The following RGL1 variants were observed in gnomAD, a reference collection of about 807,000 sequenced individuals.
The protein encoded by RGL1 is ral guanine nucleotide dissociation stimulator-like 1.
In RGL1, 24 loss-of-function variants were observed where a neutral mutation model predicts 95.2. That is an observed-to-expected ratio of 0.25 (90% confidence interval 0.18 to 0.35). RGL1 has a LOEUF of 0.35. Ranked by LOEUF, RGL1 falls within the 10% of genes least tolerant of loss-of-function variation. The pLI, the probability that RGL1 is intolerant of heterozygous loss-of-function variation, is 1.00. For missense variants in RGL1, 715 were observed against 936.3 expected (o/e 0.76, Z 3.08); for synonymous variants, 329 against 344.9 (o/e 0.95, Z 0.51).
intron 2 of RGL1, among the ~76,000 whole-genome samples, chr1:183,807,124 G>A (rs1024664948): frequency 6.6e-6 from 1 of 152,160 alleles, no homozygotes; most frequent in Non-Finnish European, 1.5e-5. Context: ...GGTCATGCAA[G>A]TTTGTAGGTA....
At chr1:183,875,871 C>CAA (rs375478958) in intron 4 of RGL1, among the ~76,000 whole-genome samples, 21,431 of 99,030 alleles carry the variant, frequency 0.22, 2,500 homozygotes, top group Non-Finnish European at 0.27. Flanking sequence ...AGCTCTGTCT[C>CAA]AAAAAAAAAA....
chr1:183,775,850 G>A (rs900025886), intron 2 of RGL1, among the ~76,000 whole-genome samples: 1 of 152,182 alleles, frequency 6.6e-6, no homozygotes, highest in Non-Finnish European at 1.5e-5. Flanking sequence ...GAATAGACTG[G>A]AAGTAATATG....
chr1:183,837,752 G>A (rs554082585), intron 2 of RGL1, among the ~76,000 whole-genome samples: 2 of 152,308 alleles, frequency 1.3e-5, no homozygotes, highest in East Asian at 3.9e-4. Flanking sequence ...GACTGGTTTT[G>A]TGGAAGACAG....
intron 1 of RGL1, among the ~76,000 whole-genome samples, chr1:183,719,615 A>G (rs1655866242): frequency 6.6e-6 from 1 of 152,186 alleles, no homozygotes; most frequent in Non-Finnish European, 1.5e-5. Flanking sequence ...AAAATAGAAA[A>G]AAATTAAAGG....
rs150367802 is a variant in RGL1 at position 183,849,482 on chromosome 1, A to AATTTTTTTTTTTT, written c.347+1708_347+1709insATTTTTTTTTTTT. Among the ~76,000 whole-genome samples, 43 of 99,402 alleles carry AATTTTTTTTTTTT rather than the reference A, an allele frequency of 4.3e-4. 1 individual carries two copies. The highest frequency in any genetic ancestry group is 1.2e-3 in the East Asian group (4 of 3,224). 65.2% of individuals were successfully genotyped at this position (99,402 alleles called of 152,430 possible). A position where few individuals can be genotyped will look rare whatever the true frequency, so the allele number is the denominator to read the frequency against. On this transcript the variant is annotated intron_variant, in intron 3 of 17. Transcript: ENST00000360851. ...GACATTTAAGTTTTCTCCAGTTTTT[A>AATTTTTTTTTTTT]GTTTTTTTTTTTTTTTTTTTTTTTG...
intron 3 of RGL1, among the ~76,000 whole-genome samples, chr1:183,863,059 G>A (rs750043726): frequency 6.6e-6 from 1 of 152,204 alleles, no homozygotes; most frequent in Non-Finnish European, 1.5e-5. Flanking sequence ...GAGAGAGTGA[G>A]CCCTTGGCAC....
At chr1:183,793,502 A>G (rs1480630139) in intron 2 of RGL1, among the ~76,000 whole-genome samples, 1 of 152,186 alleles carries the variant, frequency 6.6e-6, no homozygotes, top group East Asian at 1.9e-4. Flanking sequence ...AATATGAGAA[A>G]GTATTTGCAA....
intron 2 of RGL1, among the ~76,000 whole-genome samples, chr1:183,770,280 C>T (rs188275678): frequency 3.7e-4 from 57 of 152,246 alleles, no homozygotes; most frequent in African/African-American, 1.2e-3. Context: ...GGCTGTTCTT[C>T]CTAGGTGATC....
At chr1:183,752,647 C>G (rs1272430388) in intron 2 of RGL1, among the ~76,000 whole-genome samples, 6 of 137,386 alleles carry the variant, frequency 4.4e-5, no homozygotes, top group Non-Finnish European at 9.1e-5. Context: ...TTCTGAGGGT[C>G]TAACAGTAAC....
chr1:183,652,159 TCCCATAATTA>T (rs1401624786), intron 1 of RGL1, among the ~76,000 whole-genome samples: 1 of 152,206 alleles, frequency 6.6e-6, no homozygotes, highest in Non-Finnish European at 1.5e-5. Context: ...TATATAATGG[TCCCATAATTA>T]CCCTTTTGGG....
At chr1:183,716,602 A>G (rs2102191620) in intron 1 of RGL1, among the ~76,000 whole-genome samples, 1 of 152,332 alleles carries the variant, frequency 6.6e-6, no homozygotes, top group African/African-American at 2.4e-5. Context: ...ACTCAGTCAC[A>G]TGGCTGCACC....
chr1:183,709,553 TG>T (rs1277313388), intron 1 of RGL1: 4 of 154,626 alleles, frequency 2.6e-5, no homozygotes, highest in Non-Finnish European at 5.8e-5. Flanking sequence ...ATCATATCTT[TG>T]TAATTGCTTC....
At chr1:183,922,362 G>A in intron 17 of RGL1, 26 bp downstream of exon 17, 1 of 1,564,516 alleles carries the variant, frequency 6.4e-7, no homozygotes, top group Non-Finnish European at 8.8e-7. Context: ...AGACAGGCAT[G>A]TTCCTTCCCA....
chr1:183,858,626 A>T (rs1298516038), intron 3 of RGL1, among the ~76,000 whole-genome samples: 2 of 152,194 alleles, frequency 1.3e-5, no homozygotes, highest in Non-Finnish European at 2.9e-5. Flanking sequence ...AAAGGGGAAG[A>T]TACTGGTGGT....
chr1:183,828,440 G>C (rs927549945), intron 2 of RGL1, among the ~76,000 whole-genome samples: 2 of 152,178 alleles, frequency 1.3e-5, no homozygotes, highest in African/African-American at 4.8e-5. Context: ...TGGAGTGGGG[G>C]TAGAGGGCAG....
chr1:183,712,453 T>A (rs1655340029), intron 1 of RGL1, among the ~76,000 whole-genome samples: 2 of 152,188 alleles, frequency 1.3e-5, no homozygotes, highest in Non-Finnish European at 2.9e-5. Flanking sequence ...TCGTGTGTGC[T>A]TGAGTGAATG....
At chr1:183,875,080 C>A (rs1666412221) in intron 4 of RGL1, among the ~76,000 whole-genome samples, 1 of 152,192 alleles carries the variant, frequency 6.6e-6, no homozygotes, top group African/African-American at 2.4e-5. Flanking sequence ...AGATCCAGTT[C>A]TCAGAGAATG....
At chr1:183,904,498 C>A (rs886230727) in intron 12 of RGL1, among the ~76,000 whole-genome samples, 1 of 151,962 alleles carries the variant, frequency 6.6e-6, no homozygotes, top group Non-Finnish European at 1.5e-5. Flanking sequence ...CCTTAAAAAT[C>A]ATTTTTCTAT....
At chr1:183,846,932 T>C (rs1664484330) in intron 2 of RGL1, among the ~76,000 whole-genome samples, 1 of 152,138 alleles carries the variant, frequency 6.6e-6, no homozygotes, top group South Asian at 2.1e-4. Context: ...AAGGGAATGC[T>C]TGCTAAACCT....
Sources: allele counts gnomAD v4.1 joint callset (sites outside exome capture counted in the v4.1 genomes callset), GRCh38; gene constraint gnomAD v4.1.1; transcripts MANE v1.5; gene names NCBI Gene and HGNC (gene_info 2026-07-23, HGNC 2026-07-21).